AKAP13: variants seen among roughly 807,000 people sequenced by gnomAD.
AKAP13 encodes the protein A-kinase anchor protein 13.
A neutral mutation model predicts 264.5 loss-of-function variants in AKAP13; 80 were observed. That is an observed-to-expected ratio of 0.30 (90% CI 0.25 to 0.36). AKAP13 has a LOEUF of 0.36. Among genes scored for constraint, AKAP13 ranks in the 10% least tolerant of loss-of-function variants. The pLI is 1.00. For synonymous variants in AKAP13, 1,380 were observed against 1,250.2 expected (o/e 1.10, Z -2.19); for missense variants, 3,712 against 3,435.2 (o/e 1.08, Z -2.01).
chr15:85,582,909 C>G (rs2079182918), intron 7 of AKAP13: 5 of 985,340 alleles, frequency 5.1e-6, no homozygotes, highest in Non-Finnish European at 6.0e-6. Flanking sequence ...GAGCAGATTG[C>G]TCACACAGCA....
intron 1 of AKAP13, among the ~76,000 whole-genome samples, chr15:85,469,044 A>G (rs1596277604): frequency 7.3e-6 from 1 of 136,572 alleles, no homozygotes; most frequent in East Asian, 2.1e-4. Context: ...CCTCCCCAGT[A>G]GCTTGGACTA....
intron 5 of AKAP13, among the ~76,000 whole-genome samples, chr15:85,545,006 A>G (rs980988893): frequency 2.0e-5 from 3 of 152,220 alleles, no homozygotes; most frequent in African/African-American, 4.8e-5. Flanking sequence ...TTCTTGATTC[A>G]CTTGCCAGGC....
intron 2 of AKAP13, among the ~76,000 whole-genome samples, chr15:85,516,608 G>A (rs2076608622): frequency 6.6e-6 from 1 of 152,066 alleles, no homozygotes; most frequent in Non-Finnish European, 1.5e-5. Flanking sequence ...TCTTAAATGG[G>A]CCTGCCACGG....
At chr15:85,423,736 A>T (rs1483876452) in intron 1 of AKAP13, among the ~76,000 whole-genome samples, 1 of 152,230 alleles carries the variant, frequency 6.6e-6, no homozygotes. Flanking sequence ...GAAGGTTTTC[A>T]GTTGGCTTTG....
At position 85,684,554 on chromosome 15, in the gene AKAP13, A is replaced by G. The variant is rs115216118; in HGVS notation, c.5157-187A>G. 3.7e-3 allele frequency: 2,152 copies of G among 583,274 alleles called. 34 individuals are homozygous for G. The highest frequency in any genetic ancestry group is 0.035 in the African/African-American group (1,901 of 53,590). The allele number at this position is 583,274 out of a possible 1,614,324, so 36.1% of individuals were successfully genotyped here. Reference sequence around the variant, plus strand: ...GAGCAAGACTGTCTCCAAAACAGACAAGTGAACAAGAAAACATTAGTGACG... The same window carrying G: ...GAGCAAGACTGTCTCCAAAACAGACGAGTGAACAAGAAAACATTAGTGACG... On this transcript the variant is annotated intron_variant, in intron 15 of 36. Transcript: ENST00000394518.
In AKAP13 at chr15:85,727,074, G is replaced by A. The variant is rs1253792626; in HGVS notation, c.6831G>A (p.Lys2277=). 6.2e-7 allele frequency: 1 copy of A among 1,614,060 alleles called. No individual in the cohort carries two copies. Among genetic ancestry groups the A allele is most frequent in the African/African-American group, 1.3e-5 (1 of 74,924 alleles). ...CTCTTCCCTTTTTCCAGGACCAGAA[G>A]TCAACAGTGATCTCTTTAAAGAAGC... ...QKYIFASLDQ[K]STVISLKKLI... is the part of the protein sequence containing the mutation. Residue 2277 remains lysine (K), a synonymous_variant, in exon 28 of 37, where the codon AAG becomes AAA. Coordinates refer to ENST00000394518, the MANE Select transcript of AKAP13 (RefSeq NM_007200.5). The surrounding 1 kb of genome is among the most constrained non-coding windows in gnomAD (Gnocchi z 5.3).
intron 1 of AKAP13, among the ~76,000 whole-genome samples, chr15:85,390,735 A>G (rs1189330588): frequency 6.6e-6 from 1 of 152,302 alleles, no homozygotes; most frequent in East Asian, 1.9e-4. Flanking sequence ...GAATCCATAT[A>G]CGCTGAAAAT....
At chr15:85,545,662 C>G (rs537224910) in intron 5 of AKAP13, among the ~76,000 whole-genome samples, 25 of 152,152 alleles carry the variant, frequency 1.6e-4, no homozygotes, top group African/African-American at 5.8e-4. Flanking sequence ...TGTTGTGAAG[C>G]TTAGAAAAAG....
chr15:85,545,036 G>T (rs1183733268), intron 5 of AKAP13, among the ~76,000 whole-genome samples: 1 of 152,130 alleles, frequency 6.6e-6, no homozygotes, highest in African/African-American at 2.4e-5. Context: ...TCCCCATCAC[G>T]CTAGACAGAC....
At chr15:85,383,042 C>G (rs947858888) in intron 1 of AKAP13, among the ~76,000 whole-genome samples, 7 of 151,418 alleles carry the variant, frequency 4.6e-5, no homozygotes, top group East Asian at 1.9e-4. Context: ...TAGAAATCAG[C>G]CCCCCCCTTT....
chr15:85,688,332 A>T (rs1394517586), intron 16 of AKAP13, among the ~76,000 whole-genome samples: 1 of 152,182 alleles, frequency 6.6e-6, no homozygotes, highest in Non-Finnish European at 1.5e-5. Flanking sequence ...ATAAATTTTC[A>T]GTTTTTAAAA....
chr15:85,665,840 C>A (rs2083564549), intron 13 of AKAP13, among the ~76,000 whole-genome samples: 1 of 152,180 alleles, frequency 6.6e-6, no homozygotes, highest in Admixed American at 6.5e-5. Context: ...TCATCCATCT[C>A]CCTGCAAAGG....
rs576739852 is a variant in AKAP13, at chr15:85,746,375, T to C, written c.*1698T>C. ...TCTAAACTATCCAGTCAATACCGAGTGAAGTGGCAGCCAGCACTGTTCACT... is the reference window on the plus strand; with the variant it reads ...TCTAAACTATCCAGTCAATACCGAGCGAAGTGGCAGCCAGCACTGTTCACT... On this transcript the variant is annotated 3_prime_UTR_variant, in exon 37 of 37. Coordinates refer to ENST00000394518, the MANE Select transcript of AKAP13 (RefSeq NM_007200.5). 11 of 152,108 alleles carry C rather than the reference T, an allele frequency of 7.2e-5. No homozygotes were observed. The highest frequency in any genetic ancestry group is 2.7e-4 in the African/African-American group (11 of 41,468). 9.4% of individuals were successfully genotyped at this position (152,108 alleles called of 1,614,324 possible).
At chr15:85,655,123 C>T (rs1014822331) in intron 10 of AKAP13, among the ~76,000 whole-genome samples, 12 of 151,882 alleles carry the variant, frequency 7.9e-5, no homozygotes, top group Middle Eastern at 3.2e-3. Context: ...ATCCAGGAGG[C>T]GGAGGTTGTG....
intron 8 of AKAP13, among the ~76,000 whole-genome samples, chr15:85,616,449 G>A (rs1214612353): frequency 6.6e-6 from 1 of 152,084 alleles, no homozygotes; most frequent in Non-Finnish European, 1.5e-5. Flanking sequence ...TTGGCCCTGT[G>A]GCATGAGACA....
intron 33 of AKAP13, 131 bp downstream of exon 33, chr15:85,736,265 G>C: frequency 1.4e-6 from 1 of 704,382 alleles, no homozygotes; most frequent in Non-Finnish European, 2.4e-6. Context: ...TCATCTGTAT[G>C]TGTAAACAAT....
intron 26 of AKAP13, among the ~76,000 whole-genome samples, chr15:85,725,487 C>T (rs978106715): frequency 1.3e-5 from 2 of 152,004 alleles, no homozygotes; most frequent in Non-Finnish European, 2.9e-5. Flanking sequence ...AGTAGTTTAG[C>T]CTAAAAAAAT....
At chr15:85,415,609 C>G (rs1438368179) in intron 1 of AKAP13, 1 of 1,434,788 alleles carries the variant, frequency 7.0e-7, no homozygotes, top group Admixed American at 1.7e-5. Context: ...GTCACCTGTA[C>G]TCGGATCTAT....
chr15:85,446,343 A>C (rs920498409), intron 1 of AKAP13, among the ~76,000 whole-genome samples: 25 of 152,196 alleles, frequency 1.6e-4, no homozygotes, highest in African/African-American at 5.8e-4. Context: ...TAAACGAAAT[A>C]GGATTTGTTG....
Sources: allele counts gnomAD v4.1 joint callset (sites outside exome capture counted in the v4.1 genomes callset), GRCh38; gene constraint gnomAD v4.1.1; non-coding constraint Gnocchi (gnomAD v3.1); transcripts MANE v1.5; gene names NCBI Gene and HGNC (gene_info 2026-07-23, HGNC 2026-07-21).